The following TMEM178B variants were observed in gnomAD, a reference collection of about 807,000 sequenced individuals.
The protein encoded by TMEM178B is transmembrane protein 178B.
TMEM178B carries 5 observed loss-of-function variants against 31.0 expected under a neutral mutation model. That is an observed-to-expected ratio of 0.16 (90% CI 0.08 to 0.34). The LOEUF is 0.34. TMEM178B is among the 10% of genes least tolerant of loss of function. The pLI, the probability that TMEM178B is intolerant of heterozygous loss-of-function variation, is 1.00. For synonymous variants in TMEM178B, 164 were observed against 164.0 expected, an observed-to-expected ratio of 1.00 and a Z score of 0.00; for missense variants, 275 against 400.3, an observed-to-expected ratio of 0.69 and a Z score of 2.67.
chr7:141,510,599 C>A, the TMEM178B span, among the ~76,000 whole-genome samples: 2 of 141,930 alleles, frequency 1.4e-5, no homozygotes, highest in Non-Finnish European at 3.0e-5. Flanking sequence ...GCAGGAGAAT[C>A]CCTTGAACCC....
intron 2 of TMEM178B, among the ~76,000 whole-genome samples, chr7:141,271,019 G>T (rs76405237): frequency 0.024 from 3,708 of 152,248 alleles, 60 homozygotes; most frequent in Non-Finnish European, 0.038. Flanking sequence ...AGTCCTCTAA[G>T]CCAGGTATGT....
At chr7:141,179,974 T>C (rs1796494353) in intron 1 of TMEM178B, among the ~76,000 whole-genome samples, 1 of 152,168 alleles carries the variant, frequency 6.6e-6, no homozygotes, top group South Asian at 2.1e-4. Flanking sequence ...TGCCCCATGC[T>C]CCCAAACCAC....
chr7:141,414,854 G>C (rs374129149), intron 2 of TMEM178B: 1 of 152,192 alleles, frequency 6.6e-6, no homozygotes, highest in Non-Finnish European at 1.5e-5. Flanking sequence ...TCAATTATAT[G>C]TGTGCGTTAT....
At chr7:141,425,778 T>A (rs1860282) in intron 2 of TMEM178B, among the ~76,000 whole-genome samples, 27,182 of 152,230 alleles carry the variant, frequency 0.18, 2,631 homozygotes, top group South Asian at 0.39. Flanking sequence ...TGGATTTGAT[T>A]TGTATATGTC....
At chr7:141,278,032 A>G (rs779246466) in intron 2 of TMEM178B, among the ~76,000 whole-genome samples, 2 of 152,242 alleles carry the variant, frequency 1.3e-5, no homozygotes, top group Non-Finnish European at 2.9e-5. Flanking sequence ...AATAAATACA[A>G]CAGGGCTAAA....
intron 2 of TMEM178B, among the ~76,000 whole-genome samples, chr7:141,245,823 G>GT (rs1374165328): frequency 1.3e-5 from 2 of 152,202 alleles, no homozygotes; most frequent in Non-Finnish European, 2.9e-5. Flanking sequence ...CGTTGTGTAA[G>GT]TTTGTCCAGT....
At chr7:141,314,457 G>A (rs114619186) in intron 2 of TMEM178B, among the ~76,000 whole-genome samples, 2,211 of 152,294 alleles carry the variant, frequency 0.015, 63 homozygotes, top group African/African-American at 0.049. Flanking sequence ...TTGTGGCCAT[G>A]TGAGCAATCG....
chr7:141,287,147 T>A (rs1247024338), intron 2 of TMEM178B, among the ~76,000 whole-genome samples: 1 of 152,192 alleles, frequency 6.6e-6, no homozygotes, highest in East Asian at 1.9e-4. Context: ...CCTGCTTTTA[T>A]AAATTTCATA....
chr7:141,199,911 C>T (rs901987009), intron 1 of TMEM178B, among the ~76,000 whole-genome samples: 6 of 152,074 alleles, frequency 3.9e-5, no homozygotes, highest in Non-Finnish European at 8.8e-5. Context: ...ATTAGCTGGG[C>T]GTAGTGGCGG....
chr7:141,238,469 C>A (rs1479704943), intron 2 of TMEM178B, among the ~76,000 whole-genome samples: 1 of 152,110 alleles, frequency 6.6e-6, no homozygotes, highest in Non-Finnish European at 1.5e-5. Flanking sequence ...CTGTGTGTAA[C>A]CTACAACCCA....
At chr7:141,220,524 A>G (rs1200924738) in intron 2 of TMEM178B, among the ~76,000 whole-genome samples, 1 of 150,070 alleles carries the variant, frequency 6.7e-6, no homozygotes, top group African/African-American at 2.4e-5. Flanking sequence ...ACCTAGGGGG[A>G]GGGAAGGGAG....
intron 1 of TMEM178B, among the ~76,000 whole-genome samples, chr7:141,147,973 A>T (rs1018448292): frequency 6.6e-6 from 1 of 152,240 alleles, no homozygotes; most frequent in Non-Finnish European, 1.5e-5. Context: ...ACAAACTGCC[A>T]CAAACCTAGT....
At chr7:141,367,152 C>T (rs1800023952) in intron 2 of TMEM178B, among the ~76,000 whole-genome samples, 1 of 151,972 alleles carries the variant, frequency 6.6e-6, no homozygotes, top group East Asian at 1.9e-4. Context: ...GCCCAGTGGA[C>T]CAGCAGAGGG....
intron 2 of TMEM178B, among the ~76,000 whole-genome samples, chr7:141,302,235 A>G (rs897001180): frequency 2.6e-5 from 4 of 152,238 alleles, no homozygotes; most frequent in Non-Finnish European, 4.4e-5. Flanking sequence ...GTATCCATAC[A>G]ATGGTCCATT....
rs1563182617 is a variant in TMEM178B at position 141,437,817 on chromosome 7, C to A, written c.634+72C>A. 3 of 1,523,256 alleles carry A rather than the reference C, an allele frequency of 2.0e-6. No individual in the cohort carries two copies. In the East Asian group the frequency reaches 7.4e-5, roughly 37 times the overall value. The allele number at this position is 1,523,256 out of a possible 1,614,324, so 94.4% of individuals were successfully genotyped here. A position where few individuals can be genotyped will look rare whatever the true frequency, so the allele number is the denominator to read the frequency against. The stretch of plus-strand genomic sequence containing the variant: ...TTTACCACAATTTGGGGAGAATGGC[C>A]AGAGGGCACAGCAGAGGGGACCATG... On this transcript the variant is annotated intron_variant, in intron 3 of 3. Coordinates refer to ENST00000565468, the MANE Select transcript of TMEM178B (RefSeq NM_001195278.2).
chr7:141,182,614 G>A (rs1796548087), intron 1 of TMEM178B, among the ~76,000 whole-genome samples: 1 of 152,138 alleles, frequency 6.6e-6, no homozygotes, highest in South Asian at 2.1e-4. Flanking sequence ...GGGACATTGG[G>A]TTTTGATATG....
chr7:141,353,041 A>G (rs565466986), intron 2 of TMEM178B, among the ~76,000 whole-genome samples: 6 of 151,994 alleles, frequency 3.9e-5, no homozygotes, highest in African/African-American at 1.2e-4. Context: ...CTACATTCAA[A>G]CACAAAGTCC....
Position 141,294,633 on chromosome 7 carries a change from ACC to A in TMEM178B, c.496+81931_496+81932del, listed in dbSNP as rs543615245. ...TGAGTCAGGGGATTGTCCTTTAGAGACCCAGTCCTCTAAGATCCCAGTCTGAG... is the reference window on the plus strand; with the variant it reads ...TGAGTCAGGGGATTGTCCTTTAGAGACAGTCCTCTAAGATCCCAGTCTGAG... On this transcript the variant is annotated intron_variant, in intron 2 of 3. Transcript: ENST00000565468. Among the ~76,000 whole-genome samples, 58 of 152,266 alleles carry A rather than the reference ACC, an allele frequency of 3.8e-4. 1 individual carries two copies. Among genetic ancestry groups the A allele is most frequent in the African/African-American group, 1.3e-3 (55 of 41,550 alleles).
intron 3 of TMEM178B, among the ~76,000 whole-genome samples, chr7:141,451,074 C>G (rs1025105683): frequency 6.6e-6 from 1 of 152,138 alleles, no homozygotes; most frequent in Admixed American, 6.5e-5. Context: ...AAGGGGCAGG[C>G]AGATGTTATT....
Sources: allele counts gnomAD v4.1 joint callset (sites outside exome capture counted in the v4.1 genomes callset), GRCh38; gene constraint gnomAD v4.1.1; transcripts MANE v1.5; gene names NCBI Gene and HGNC (gene_info 2026-07-23, HGNC 2026-07-21).